TTI1: variants seen among roughly 807,000 people sequenced by gnomAD.
The protein encoded by TTI1 is TELO2 interacting protein 1.
TTI1 carries 52 observed loss-of-function variants against 85.4 expected under a neutral mutation model. The observed-to-expected ratio is 0.61, with a 90% CI of 0.49 to 0.77. The LOEUF (loss-of-function observed/expected upper bound fraction) is 0.77, where lower values mean the gene tolerates loss of function less well. Ranked by LOEUF, TTI1 falls within the 30% of genes least tolerant of loss-of-function variation. TTI1 has a pLI of 0.00. For synonymous variants in TTI1, 512 were observed against 503.9 expected, an observed-to-expected ratio of 1.02 and a Z score of -0.22; for missense variants, 1,173 against 1,296.0, an observed-to-expected ratio of 0.91 and a Z score of 1.46.
chr20:37,991,631 A>C (rs2073266605), intron 7 of TTI1, among the ~76,000 whole-genome samples: 1 of 152,264 alleles, frequency 6.6e-6, no homozygotes, highest in Non-Finnish European at 1.5e-5. Flanking sequence ...TCCCCAGTTC[A>C]GATTTTAGTA....
In TTI1 at chr20:38,013,586, G is replaced by T; in HGVS notation, c.231C>A (p.Cys77Ter). 1 of 1,614,214 alleles carries T rather than the reference G, an allele frequency of 6.2e-7. No homozygotes were observed. The highest frequency in any genetic ancestry group is 8.5e-7 in the Non-Finnish European group (1 of 1,180,044). ...ATGTTGAAGAAAGGACAAATGTGAG[G>T]CATTCCACCACACTTTGGATCAAAC... ...RERLIQSVVE[C>*]LTFVLSSTCV... Residue 77 changes from cysteine (C) to a stop codon, truncating the protein, a stop_gained, in exon 2 of 8, where the codon TGC (cysteine) becomes TGA (stop). Coordinates refer to ENST00000373447, the MANE Select transcript of TTI1 (RefSeq NM_001303457.2). LOFTEE classifies it high-confidence loss of function.
At chr20:38,017,474 G>A (rs377600195) in intron 1 of TTI1, among the ~76,000 whole-genome samples, 1 of 151,808 alleles carries the variant, frequency 6.6e-6, no homozygotes, top group Non-Finnish European at 1.5e-5. Context: ...AGCCTTTGGT[G>A]CATGTGTTGA....
At chr20:38,020,825 A>C (rs1488264836) in intron 1 of TTI1, among the ~76,000 whole-genome samples, 1 of 152,192 alleles carries the variant, frequency 6.6e-6, no homozygotes, top group Non-Finnish European at 1.5e-5. Context: ...AGAAGAGCTA[A>C]ATTTAAAAAA....
intron 4 of TTI1, among the ~76,000 whole-genome samples, chr20:38,001,814 G>A (rs1225273886): frequency 1.3e-5 from 2 of 152,124 alleles, no homozygotes; most frequent in Non-Finnish European, 2.9e-5. Context: ...TGCCTCCTGG[G>A]TTCAAGCGAT....
chr20:38,031,700 C>T (rs991456544), intron 1 of TTI1, among the ~76,000 whole-genome samples: 7 of 152,222 alleles, frequency 4.6e-5, no homozygotes, highest in Admixed American at 1.3e-4. Context: ...AATTATTTTC[C>T]GAATGAATGA....
At chr20:38,023,163 C>T (rs2073792341) in intron 1 of TTI1, among the ~76,000 whole-genome samples, 1 of 152,214 alleles carries the variant, frequency 6.6e-6, no homozygotes, top group African/African-American at 2.4e-5. Flanking sequence ...CATCCACAAG[C>T]TGAGCAGCAC....
In TTI1 at chr20:37,997,054, G is replaced by T. The variant is rs1035008106; in HGVS notation, c.2794-101C>A. 9 of 1,287,504 alleles carry T rather than the reference G, an allele frequency of 7.0e-6. No homozygotes were observed. The African/African-American group carries it at 1.2e-4, about 17-fold the overall frequency. The allele number at this position is 1,287,504 out of a possible 1,614,324, so 79.8% of individuals were successfully genotyped here. A position where few individuals can be genotyped will look rare whatever the true frequency, so the allele number is the denominator to read the frequency against. On this transcript the variant is annotated intron_variant, in intron 5 of 7. Coordinates refer to ENST00000373447, the MANE Select transcript of TTI1 (RefSeq NM_001303457.2). ...GATTTCATCTAGGTCTCTGCTTGGG[G>T]GAAAAAAAAAATAGAATTACTGCTG...
intron 7 of TTI1, among the ~76,000 whole-genome samples, chr20:37,990,255 C>T (rs1263400491): frequency 6.6e-6 from 1 of 152,220 alleles, no homozygotes; most frequent in Admixed American, 6.5e-5. Context: ...TGTTCCAAGT[C>T]ATTTTCGGAA....
chr20:37,983,668 A>G lies in TTI1; in HGVS notation c.3087-29T>C, dbSNP rs147144298. The G allele has an allele frequency of 5.2e-5, 77 of 1,479,980 alleles. 1 individual carries two copies. In the Middle Eastern group the frequency reaches 3.3e-3, roughly 63 times the overall value. The allele number at this position is 1,479,980 out of a possible 1,614,324, so 91.7% of individuals were successfully genotyped here. On this transcript the variant is annotated intron_variant, in intron 7 of 7. Coordinates refer to ENST00000373447, the MANE Select transcript of TTI1 (RefSeq NM_001303457.2). ...TGGAGAGATGGAAAGGAGTGAGTAG[A>G]GGGTACAGAGAGGGAAGGCGGGGAA...
intron 1 of TTI1, among the ~76,000 whole-genome samples, chr20:38,020,309 T>TAAAA (rs1568628803): frequency 6.4e-5 from 3 of 46,706 alleles, no homozygotes; most frequent in Admixed American, 2.4e-4. Flanking sequence ...GCTACTCATA[T>TAAAA]GAAAAAAAAA....
At chr20:37,986,250 G>A (rs1007831834) in intron 7 of TTI1, among the ~76,000 whole-genome samples, 19 of 152,172 alleles carry the variant, frequency 1.2e-4, no homozygotes, top group Admixed American at 2.6e-4. Context: ...CCAGCAAAGC[G>A]GTGCCACGAC....
chr20:37,985,401 C>A (rs2073176673), intron 7 of TTI1, among the ~76,000 whole-genome samples: 1 of 152,124 alleles, frequency 6.6e-6, no homozygotes, highest in South Asian at 2.1e-4. Context: ...ATATGAAAGA[C>A]CTGCACCCTC....
chr20:38,027,144 T>C (rs996445467), intron 1 of TTI1, among the ~76,000 whole-genome samples: 3 of 152,124 alleles, frequency 2.0e-5, no homozygotes, highest in Non-Finnish European at 4.4e-5. Context: ...AATATAGTCA[T>C]CTCTCGGTAT....
At position 38,013,573 on chromosome 20, in the gene TTI1, G is replaced by C. The variant is rs748805181; in HGVS notation, c.244C>G (p.Leu82Val). The change falls in exon 2 of 8, where the codon CTT (leucine) becomes GTT (valine). Residue 82 changes from leucine to valine, a missense_variant. By Grantham distance (32) the Leu-to-Val change is conservative. Coordinates refer to ENST00000373447, the MANE Select transcript of TTI1 (RefSeq NM_001303457.2). ...QSVVECLTFV[L>V]SSTCVKEQEL... ...TGTTCTTTCACACATGTTGAAGAAA[G>C]GACAAATGTGAGGCATTCCACCACA... is the stretch of plus-strand genomic sequence containing the variant. 6.2e-7 allele frequency: 1 copy of C among 1,614,122 alleles called. No individual in the cohort carries two copies. The highest frequency in any genetic ancestry group is 1.7e-5 in the Admixed American group (1 of 59,998).
At chr20:38,014,810 T>G (rs1049711295) in intron 1 of TTI1, among the ~76,000 whole-genome samples, 2 of 151,872 alleles carry the variant, frequency 1.3e-5, no homozygotes, top group Non-Finnish European at 2.9e-5. Context: ...GGGCTGACAG[T>G]GAACAAGGAG....
intron 4 of TTI1, 85 bp downstream of exon 4, chr20:38,002,543 C>CG (rs2073440113): frequency 1.3e-6 from 2 of 1,543,998 alleles, no homozygotes; most frequent in South Asian, 2.3e-5. Flanking sequence ...AGGGGAGCTA[C>CG]GTGCTCATCC....
chr20:38,002,547 C>G, intron 4 of TTI1, 81 bp downstream of exon 4: 1 of 1,558,414 alleles, frequency 6.4e-7, no homozygotes, highest in East Asian at 2.3e-5. Context: ...GAGCTACGTG[C>G]TCATCCGTGT....
intron 1 of TTI1, among the ~76,000 whole-genome samples, chr20:38,022,827 T>A (rs912535487): frequency 2.0e-5 from 3 of 152,242 alleles, no homozygotes; most frequent in African/African-American, 7.2e-5. Flanking sequence ...ACTTGTTCAA[T>A]AATCCATCTG....
chr20:37,998,423 G>T (rs1421421626), intron 5 of TTI1, among the ~76,000 whole-genome samples: 1 of 151,720 alleles, frequency 6.6e-6, no homozygotes, highest in Non-Finnish European at 1.5e-5. Context: ...TGTCCCTACA[G>T]ATCTTTTCTC....
Sources: gnomAD v4.1 joint callset for allele counts (sites outside exome capture counted in the v4.1 genomes callset) on GRCh38, gnomAD v4.1.1 for gene constraint, MANE v1.5 for transcripts, NCBI Gene and HGNC (gene_info 2026-07-23, HGNC 2026-07-21) for gene names.